PLCE1: variants seen among roughly 807,000 people sequenced by gnomAD.
The protein encoded by PLCE1 is phospholipase C epsilon 1.
A neutral mutation model predicts 242.8 loss-of-function variants in PLCE1; 119 were observed. The observed-to-expected ratio is 0.49, with a 90% CI of 0.42 to 0.57. The LOEUF is 0.57. Ranked by LOEUF, PLCE1 falls within the 20% of genes least tolerant of loss-of-function variation. The probability of loss-of-function intolerance (pLI) is 0.00; values close to 1 mark genes in which losing one functional copy is unlikely to be tolerated. For missense variants in PLCE1, 2,441 were observed against 2,788.8 expected, an observed-to-expected ratio of 0.88 and a Z score of 2.81; for synonymous variants, 945 against 1,017.4, an observed-to-expected ratio of 0.93 and a Z score of 1.35.
chr10:94,212,974 A>G lies in PLCE1; in HGVS notation c.1810-14332A>G, dbSNP rs115467316. Among the ~76,000 whole-genome samples, 856 of 152,348 alleles carry G rather than the reference A, an allele frequency of 5.6e-3. 4 individuals carry two copies. The highest frequency in any genetic ancestry group is 0.031 in the Middle Eastern group (9 of 294). ...TATGAATAAGCAGGCCAGTCAACAA[A>G]CAAGACAAATTAAGTACTAAGTGCA... On this transcript the variant is annotated intron_variant, in intron 4 of 32. Coordinates refer to ENST00000371380, the MANE Select transcript of PLCE1 (RefSeq NM_016341.4).
chr10:94,148,986 G>A lies in PLCE1; in HGVS notation c.1492+16527G>A, dbSNP rs199561128. Among the ~76,000 whole-genome samples, 8 of 152,232 alleles carry A rather than the reference G, an allele frequency of 5.3e-5. No homozygotes were observed. The East Asian group carries it at 7.7e-4, about 15-fold the overall frequency. The stretch of plus-strand genomic sequence containing the variant: ...TTTCTCACCTCTCACACAGCACCCC[G>A]GATCTTTAATCCCCTTGGCCCTGTT... On this transcript the variant is annotated intron_variant, in intron 3 of 32. Coordinates refer to ENST00000371380, the MANE Select transcript of PLCE1 (RefSeq NM_016341.4).
chr10:94,269,558 A>G (rs2051649697), intron 17 of PLCE1, among the ~76,000 whole-genome samples: 1 of 152,146 alleles, frequency 6.6e-6, no homozygotes, highest in African/African-American at 2.4e-5. Context: ...AACTCTCATT[A>G]GATTCCCCAT....
At chr10:94,051,457 A>G (rs1042785988) in intron 2 of PLCE1, among the ~76,000 whole-genome samples, 1 of 152,136 alleles carries the variant, frequency 6.6e-6, no homozygotes, top group Non-Finnish European at 1.5e-5. Flanking sequence ...AGCTCATTGT[A>G]AAAGAAACTG....
In PLCE1 at chr10:94,007,565, TTC is replaced by T. The variant is rs1294450335; in HGVS notation, c.-365+13317_-365+13318del. Among the ~76,000 whole-genome samples the T allele has an allele frequency of 2.2e-5, 3 of 134,398 alleles. No individual in the cohort carries two copies. In the Admixed American group the frequency reaches 2.4e-4, roughly 11 times the overall value. The allele number at this position is 134,398 out of a possible 152,430, so 88.2% of individuals were successfully genotyped here. A position where few individuals can be genotyped will look rare whatever the true frequency, so the allele number is the denominator to read the frequency against. On this transcript the variant is annotated intron_variant, in intron 1 of 32. Transcript: ENST00000371380. The stretch of plus-strand genomic sequence containing the variant: ...ATTACAGAAGTGATATACAAATACA[TTC>T]TCTCTCTCTTTTTTTTTTTTTTTTT...
At chr10:94,255,953 CT>C (rs2051074849) in intron 11 of PLCE1, among the ~76,000 whole-genome samples, 17 of 139,608 alleles carry the variant, frequency 1.2e-4, no homozygotes, top group Non-Finnish European at 2.5e-4. Flanking sequence ...CTCTCTCTCT[CT>C]CTCCCCACCC....
intron 4 of PLCE1, among the ~76,000 whole-genome samples, chr10:94,192,496 A>G (rs2048698348): frequency 6.6e-6 from 1 of 152,194 alleles, no homozygotes; most frequent in African/African-American, 2.4e-5. Flanking sequence ...CTTTAGCTGC[A>G]TCTATGTTGC....
chr10:94,308,146 A>C (rs1167447012), intron 26 of PLCE1, among the ~76,000 whole-genome samples: 1 of 152,230 alleles, frequency 6.6e-6, no homozygotes, highest in Non-Finnish European at 1.5e-5. Flanking sequence ...CATTTTTACC[A>C]GCTGTGTATT....
chr10:94,227,602 A>G, intron 5 of PLCE1, 151 bp downstream of exon 5: 1 of 822,530 alleles, frequency 1.2e-6, no homozygotes, highest in Non-Finnish European at 2.1e-6. Context: ...TTCAGCACCA[A>G]AGGCCCTGTC....
chr10:94,126,280 A>T (rs963316819), intron 2 of PLCE1, among the ~76,000 whole-genome samples: 4 of 152,198 alleles, frequency 2.6e-5, no homozygotes, highest in African/African-American at 4.8e-5. Context: ...TGCAACATTG[A>T]TCTATAGTTC....
intron 4 of PLCE1, among the ~76,000 whole-genome samples, chr10:94,194,233 A>G (rs1258007122): frequency 2.0e-5 from 3 of 152,328 alleles, no homozygotes; most frequent in South Asian, 4.1e-4. Context: ...TAATTTGCCT[A>G]GTTTCTGCCA....
At chr10:94,044,611 C>G (rs1358720974) in intron 2 of PLCE1, among the ~76,000 whole-genome samples, 1 of 152,244 alleles carries the variant, frequency 6.6e-6, no homozygotes, top group Non-Finnish European at 1.5e-5. Flanking sequence ...CACTCACAAA[C>G]TCAGAATGCA....
intron 2 of PLCE1, among the ~76,000 whole-genome samples, chr10:94,082,411 G>A (rs1183652532): frequency 2.6e-5 from 4 of 152,128 alleles, no homozygotes; most frequent in Non-Finnish European, 5.9e-5. Flanking sequence ...GGTTGCTAGG[G>A]GGATACTCAG....
In PLCE1 at chr10:94,171,249, A is replaced by T; in HGVS notation, c.1562A>T (p.Glu521Val). 1 of 1,613,932 alleles carries T rather than the reference A, an allele frequency of 6.2e-7. No homozygotes were observed. Among genetic ancestry groups the T allele is most frequent in the Non-Finnish European group, 8.5e-7 (1 of 1,179,814 alleles). Residue 521 changes from glutamate to valine, a missense_variant, in exon 4 of 33, where the codon GAG (glutamate) becomes GTG (valine). By Grantham distance (121) the Glu-to-Val change is moderately radical. Transcript: ENST00000371380. ...LPSSSAGISK[E>V]LIDLQPLIQF... ...TCAAGTTCAGCTGGGATCAGCAAGG[A>T]GCTGATCGATCTGCAGCCTCTCATC...
chr10:94,176,577 G>A (rs2048132746), intron 4 of PLCE1, among the ~76,000 whole-genome samples: 1 of 152,134 alleles, frequency 6.6e-6, no homozygotes, highest in African/African-American at 2.4e-5. Flanking sequence ...TTTCCTCAGT[G>A]GAAAGATGTA....
rs72814604 is a variant in PLCE1 at position 94,154,541 on chromosome 10, T to C, written c.1493-16639T>C. Among the ~76,000 whole-genome samples, 295 of 152,074 alleles carry C rather than the reference T, an allele frequency of 1.9e-3. 1 individual carries two copies. The highest frequency in any genetic ancestry group is 3.2e-3 in the Non-Finnish European group (218 of 67,976). Reference sequence around the variant, plus strand: ...AGGCAACCTACAGAATGGGAGAAAATATTTGCAAATCACATATATAATAAG... The same window carrying C: ...AGGCAACCTACAGAATGGGAGAAAACATTTGCAAATCACATATATAATAAG... On this transcript the variant is annotated intron_variant, in intron 3 of 32. Coordinates refer to ENST00000371380, the MANE Select transcript of PLCE1 (RefSeq NM_016341.4).
intron 4 of PLCE1, among the ~76,000 whole-genome samples, chr10:94,178,012 T>G (rs1167425115): frequency 6.6e-6 from 1 of 152,232 alleles, no homozygotes; most frequent in Non-Finnish European, 1.5e-5. Context: ...TAATATGTCC[T>G]TTGCTCTTGT....
intron 5 of PLCE1, among the ~76,000 whole-genome samples, chr10:94,229,161 A>G (rs1289170030): frequency 6.6e-6 from 1 of 151,744 alleles, no homozygotes; most frequent in Non-Finnish European, 1.5e-5. Flanking sequence ...AGCCTGGGCA[A>G]TAAGAGGGAA....
At chr10:94,087,120 T>C (rs1228548300) in intron 2 of PLCE1, among the ~76,000 whole-genome samples, 1 of 151,900 alleles carries the variant, frequency 6.6e-6, no homozygotes, top group African/African-American at 2.4e-5. Flanking sequence ...GGCCAAGGCA[T>C]GAGGATTACT....
intron 13 of PLCE1, among the ~76,000 whole-genome samples, chr10:94,261,898 C>G (rs969194483): frequency 6.6e-6 from 1 of 151,996 alleles, no homozygotes; most frequent in African/African-American, 2.4e-5. Flanking sequence ...TCCCTAAAAC[C>G]AAAGCCTGAA....
Sources: allele counts gnomAD v4.1 joint callset (sites outside exome capture counted in the v4.1 genomes callset), GRCh38; gene constraint gnomAD v4.1.1; transcripts MANE v1.5; gene names NCBI Gene and HGNC (gene_info 2026-07-23, HGNC 2026-07-21).